Variants in RPGRIP1L observed in about 807,000 individuals in gnomAD.
RPGRIP1L encodes RPGRIP1 like, also known as protein fantom.
In RPGRIP1L, 131 loss-of-function variants were observed where a neutral mutation model predicts 160.4. The observed-to-expected ratio is 0.82, with a 90% CI of 0.71 to 0.94. RPGRIP1L has a LOEUF of 0.94. RPGRIP1L is among the 40% of genes least tolerant of loss of function. The pLI, the probability that RPGRIP1L is intolerant of heterozygous loss-of-function variation, is 0.00. For synonymous variants in RPGRIP1L, 510 were observed against 515.8 expected (o/e 0.99, Z 0.15); for missense variants, 1,522 against 1,535.8 (o/e 0.99, Z 0.15).
At chr16:53,607,696 T>C (rs1005553904) in intron 25 of RPGRIP1L, among the ~76,000 whole-genome samples, 1 of 152,144 alleles carries the variant, frequency 6.6e-6, no homozygotes, top group Non-Finnish European at 1.5e-5. Context: ...GAGAATTCTG[T>C]GGCAAAAGAA....
chr16:53,608,337 G>A (rs889690493), intron 25 of RPGRIP1L, among the ~76,000 whole-genome samples: 1 of 151,944 alleles, frequency 6.6e-6, no homozygotes, highest in African/African-American at 2.4e-5. Flanking sequence ...TTCTATTTTG[G>A]CATTTAACTT....
intron 4 of RPGRIP1L, among the ~76,000 whole-genome samples, chr16:53,689,448 A>G (rs969684959): frequency 6.6e-6 from 1 of 152,008 alleles, no homozygotes; most frequent in South Asian, 2.1e-4. Flanking sequence ...TCTACTCTCT[A>G]CCAATGGTTA....
intron 22 of RPGRIP1L, among the ~76,000 whole-genome samples, chr16:53,633,244 A>G (rs1965629249): frequency 6.6e-6 from 1 of 152,224 alleles, no homozygotes; most frequent in Non-Finnish European, 1.5e-5. Flanking sequence ...CAACACTTCA[A>G]CCAAAGTTAA....
intron 23 of RPGRIP1L, among the ~76,000 whole-genome samples, chr16:53,621,618 AG>A (rs770707076): frequency 1.2e-4 from 19 of 152,206 alleles, no homozygotes; most frequent in African/African-American, 3.4e-4. Flanking sequence ...TATCTAAGAA[AG>A]TAAGCTCTAA....
intron 6 of RPGRIP1L, among the ~76,000 whole-genome samples, chr16:53,677,332 A>T (rs1260066161): frequency 6.6e-6 from 1 of 152,236 alleles, no homozygotes; most frequent in East Asian, 1.9e-4. Flanking sequence ...TCAAATAAAA[A>T]GTCAGTTTGC....
chr16:53,610,045 C>A (rs570041284), intron 25 of RPGRIP1L, among the ~76,000 whole-genome samples: 1 of 152,030 alleles, frequency 6.6e-6, no homozygotes, highest in Admixed American at 6.5e-5. Flanking sequence ...GCTGTGTCAT[C>A]AGTAGGTCAT....
chr16:53,618,307 A>G (rs1478737951), intron 24 of RPGRIP1L, among the ~76,000 whole-genome samples: 2 of 152,254 alleles, frequency 1.3e-5, no homozygotes, highest in Non-Finnish European at 2.9e-5. Flanking sequence ...TTGTAAAAAC[A>G]TCCATGTGAT....
chr16:53,687,819 T>C, intron 5 of RPGRIP1L, 44 bp downstream of exon 5: 1 of 1,169,836 alleles, frequency 8.5e-7, no homozygotes, highest in Non-Finnish European at 1.3e-6. Context: ...AAAGACATTA[T>C]CAATAACCAA....
intron 2 of RPGRIP1L, among the ~76,000 whole-genome samples, chr16:53,699,199 G>A (rs534642761): frequency 4.0e-5 from 6 of 151,708 alleles, no homozygotes; most frequent in African/African-American, 7.3e-5. Context: ...CAGCATGCTC[G>A]TTAAGAGTCA....
chr16:53,646,485 C>T (rs1463758539), intron 16 of RPGRIP1L, among the ~76,000 whole-genome samples: 1 of 151,710 alleles, frequency 6.6e-6, no homozygotes, highest in Non-Finnish European at 1.5e-5. Context: ...CTAACTGTTA[C>T]GAGAAAATGA....
chr16:53,660,607 T>C (rs1261066329), intron 10 of RPGRIP1L, among the ~76,000 whole-genome samples: 1 of 151,884 alleles, frequency 6.6e-6, no homozygotes, highest in Admixed American at 6.6e-5. Flanking sequence ...AGAGACATTT[T>C]ACATCAAGGC....
rs1964001995 is a variant in RPGRIP1L at position 53,611,016 on chromosome 16, TCTTTG to T, written c.3647_3651del (p.Ala1216GlufsTer15). On this transcript the variant is annotated frameshift_variant, in exon 25 of 27. Coordinates refer to ENST00000647211, the MANE Select transcript of RPGRIP1L (RefSeq NM_015272.5). LOFTEE classifies it high-confidence loss of function. ...TGTAGTATAGCTTTTAAGATGTCTC[TCTTTG>T]CTTTGTTGTTTTCTTTATCCACGTA... 3.1e-6 allele frequency: 5 copies of T among 1,613,612 alleles called. No individual in the cohort carries two copies. The highest frequency in any genetic ancestry group is 4.2e-6 in the Non-Finnish European group (5 of 1,179,646).
intron 21 of RPGRIP1L, among the ~76,000 whole-genome samples, chr16:53,637,123 A>G (rs890883043): frequency 1.3e-5 from 2 of 152,070 alleles, no homozygotes; most frequent in Middle Eastern, 3.2e-3. Context: ...CAGCCTCCCA[A>G]GTAGCTGGGA....
At chr16:53,604,069 T>C (rs1963527061) in intron 26 of RPGRIP1L, among the ~76,000 whole-genome samples, 1 of 152,222 alleles carries the variant, frequency 6.6e-6, no homozygotes, top group Admixed American at 6.5e-5. Flanking sequence ...TGTCAGACTT[T>C]CTTGGTCCTG....
At chr16:53,627,109 A>G (rs1416365179) in intron 22 of RPGRIP1L, among the ~76,000 whole-genome samples, 1 of 152,130 alleles carries the variant, frequency 6.6e-6, no homozygotes, top group Non-Finnish European at 1.5e-5. Flanking sequence ...TTCACATCCT[A>G]CTTCACAGGA....
chr16:53,697,527 G>A (rs1567895556), intron 2 of RPGRIP1L, among the ~76,000 whole-genome samples: 2 of 152,132 alleles, frequency 1.3e-5, no homozygotes, highest in African/African-American at 4.8e-5. Context: ...ACGCCTGGCT[G>A]GTTTTCGTAT....
At chr16:53,617,396 A>AATGCAAC (rs1964452495) in intron 24 of RPGRIP1L, among the ~76,000 whole-genome samples, 1 of 152,206 alleles carries the variant, frequency 6.6e-6, no homozygotes, top group Non-Finnish European at 1.5e-5. Context: ...AAATTAGTTG[A>AATGCAAC]ATGCAACTAT....
rs1964562143 is a variant in RPGRIP1L at position 53,619,182 on chromosome 16, G to A, written c.3459C>T (p.Ile1153=). ...TQPSEKIRIE[I]IALSLNDSQV... The stretch of plus-strand genomic sequence containing the variant: ...GAGAATCATTAAGGCTTAGAGCTAT[G>A]ATCTCAATCCGAATTTTTTCTGATG... The change falls in exon 24 of 27, where the codon ATC becomes ATT. Residue 1153 remains isoleucine (I), a synonymous_variant. Coordinates refer to ENST00000647211, the MANE Select transcript of RPGRIP1L (RefSeq NM_015272.5). 1 of 1,613,524 alleles carries A rather than the reference G, an allele frequency of 6.2e-7. No individual in the cohort carries two copies. The highest frequency in any genetic ancestry group is 8.5e-7 in the Non-Finnish European group (1 of 1,180,004).
Position 53,599,210 on chromosome 16 carries a change from C to T in RPGRIP1L, c.*2866G>A, listed in dbSNP as rs976268951. ...AGAAATTATTTGTGTTTTGTGGTAA[C>T]GAATGAATGGCAGGAACAGCAGAAT... On this transcript the variant is annotated 3_prime_UTR_variant, in exon 27 of 27. Coordinates refer to ENST00000647211, the MANE Select transcript of RPGRIP1L (RefSeq NM_015272.5). 12 of 152,108 alleles carry T rather than the reference C, an allele frequency of 7.9e-5. No individual in the cohort carries two copies. Among genetic ancestry groups the T allele is most frequent in the Non-Finnish European group, 1.2e-4 (8 of 68,024 alleles). The allele number at this position is 152,108 out of a possible 1,614,324, so 9.4% of individuals were successfully genotyped here. A position where few individuals can be genotyped will look rare whatever the true frequency, so the allele number is the denominator to read the frequency against.
Sources: gnomAD v4.1 joint callset for allele counts (sites outside exome capture counted in the v4.1 genomes callset) on GRCh38, gnomAD v4.1.1 for gene constraint, MANE v1.5 for transcripts, NCBI Gene and HGNC (gene_info 2026-07-23, HGNC 2026-07-21) for gene names.